PPP3CC: variants seen among roughly 807,000 people sequenced by gnomAD.
The protein encoded by PPP3CC is serine/threonine-protein phosphatase 2B catalytic subunit gamma isoform.
PPP3CC carries 35 observed loss-of-function variants against 60.3 expected under a neutral mutation model. The observed-to-expected ratio is 0.58, with a 90% CI of 0.44 to 0.77. The LOEUF is 0.77. PPP3CC is among the 30% of genes least tolerant of loss of function. PPP3CC has a pLI of 0.00. For missense variants in PPP3CC, 570 were observed against 628.9 expected (o/e 0.91, Z 1.00); for synonymous variants, 206 against 224.3 (o/e 0.92, Z 0.73).
intron 1 of PPP3CC, among the ~76,000 whole-genome samples, chr8:22,458,130 A>G (rs545176914): frequency 6.4e-4 from 97 of 152,206 alleles, no homozygotes; most frequent in African/African-American, 2.2e-3. Context: ...ACACAAAAAC[A>G]ACTTGTATAT....
At chr8:22,458,092 A>T (rs1172621286) in intron 1 of PPP3CC, among the ~76,000 whole-genome samples, 1 of 152,096 alleles carries the variant, frequency 6.6e-6, no homozygotes, top group African/African-American at 2.4e-5. Flanking sequence ...TCTCCGTCGC[A>T]CCAAAAAACA....
At chr8:22,540,178 CT>C (rs897166969) in intron 13 of PPP3CC, among the ~76,000 whole-genome samples, 3 of 151,970 alleles carry the variant, frequency 2.0e-5, no homozygotes, top group Non-Finnish European at 4.4e-5. Context: ...TCTTTTGTTA[CT>C]TTTTTTTGTG....
intron 3 of PPP3CC, among the ~76,000 whole-genome samples, chr8:22,484,396 T>C (rs543167912): frequency 9.8e-4 from 149 of 152,276 alleles, no homozygotes; most frequent in African/African-American, 3.5e-3. Flanking sequence ...AAATAAATTC[T>C]TATGGCTTTT....
chr8:22,460,880 C>CAA (rs1837344100), intron 1 of PPP3CC, among the ~76,000 whole-genome samples: 1 of 152,030 alleles, frequency 6.6e-6, no homozygotes, highest in Admixed American at 6.6e-5. Context: ...GAGTCTTGCT[C>CAA]AGTTGCCCAG....
chr8:22,446,541 A>G (rs1407634873), intron 1 of PPP3CC, among the ~76,000 whole-genome samples: 1 of 152,228 alleles, frequency 6.6e-6, no homozygotes, highest in Non-Finnish European at 1.5e-5. Flanking sequence ...GCTAATTTTT[A>G]GGCCAGGCGT....
At chr8:22,477,936 C>T (rs1013281993) in intron 3 of PPP3CC, among the ~76,000 whole-genome samples, 11 of 152,172 alleles carry the variant, frequency 7.2e-5, no homozygotes, top group African/African-American at 2.2e-4. Context: ...CCGCAACGTC[C>T]GCCTCCCAGG....
chr8:22,496,450 CATGACTTATAAGTTAA>C (rs1838582815), intron 3 of PPP3CC, among the ~76,000 whole-genome samples: 1 of 125,750 alleles, frequency 8.0e-6, no homozygotes, highest in African/African-American at 2.9e-5. Flanking sequence ...CTTGGAATTT[CATGACTTATAAGTTAA>C]ATTAGGGAGA....
chr8:22,512,109 C>A (rs1323145781), intron 5 of PPP3CC, among the ~76,000 whole-genome samples: 1 of 152,136 alleles, frequency 6.6e-6, no homozygotes, highest in African/African-American at 2.4e-5. Context: ...TTGAATTCTT[C>A]TACCTGTCTC....
intron 6 of PPP3CC, among the ~76,000 whole-genome samples, chr8:22,516,620 C>T (rs1270899351): frequency 6.6e-6 from 1 of 152,236 alleles, no homozygotes; most frequent in Non-Finnish European, 1.5e-5. Flanking sequence ...ATTTGAGTCA[C>T]CTCACTCACA....
At chr8:22,480,645 A>T (rs1231582243) in intron 3 of PPP3CC, among the ~76,000 whole-genome samples, 1 of 151,886 alleles carries the variant, frequency 6.6e-6, no homozygotes, top group African/African-American at 2.4e-5. Context: ...TGCTCAGTTA[A>T]TATTTGTGTT....
chr8:22,482,726 T>C (rs931564847), intron 3 of PPP3CC, among the ~76,000 whole-genome samples: 1 of 152,234 alleles, frequency 6.6e-6, no homozygotes, highest in Non-Finnish European at 1.5e-5. Flanking sequence ...TTCACTTACA[T>C]AACCTGGAAA....
At chr8:22,537,664 C>T (rs1361813791) in intron 12 of PPP3CC, among the ~76,000 whole-genome samples, 1 of 152,108 alleles carries the variant, frequency 6.6e-6, no homozygotes, top group Non-Finnish European at 1.5e-5. Context: ...AGCAATTGTC[C>T]ATAAACTGGA....
At chr8:22,516,370 G>A (rs1423537125) in intron 6 of PPP3CC, among the ~76,000 whole-genome samples, 1 of 152,078 alleles carries the variant, frequency 6.6e-6, no homozygotes, top group African/African-American at 2.4e-5. Flanking sequence ...AATAGAAATT[G>A]GTACAATTTC....
intron 5 of PPP3CC, 95 bp downstream of exon 5, chr8:22,511,326 T>C: frequency 6.7e-6 from 9 of 1,343,174 alleles, no homozygotes; most frequent in Non-Finnish European, 9.1e-6. Flanking sequence ...GTCTCTCTCT[T>C]TCACCCGGGC....
intron 1 of PPP3CC, among the ~76,000 whole-genome samples, chr8:22,442,987 C>T (rs1162174308): frequency 1.3e-5 from 2 of 152,116 alleles, no homozygotes; most frequent in East Asian, 1.9e-4. Context: ...TAATCTGCTA[C>T]GTCTTAGCTG....
At chr8:22,527,831 C>T (rs989672659) in intron 9 of PPP3CC, among the ~76,000 whole-genome samples, 8 of 152,258 alleles carry the variant, frequency 5.3e-5, no homozygotes, top group African/African-American at 1.9e-4. Flanking sequence ...GACAGGGTTT[C>T]ACCATATTGG....
chr8:22,530,648 TG>T (rs1839684619), intron 10 of PPP3CC, among the ~76,000 whole-genome samples: 1 of 151,392 alleles, frequency 6.6e-6, no homozygotes, highest in South Asian at 2.1e-4. Context: ...CTGGCCAACA[TG>T]GTGAAACCCC....
At chr8:22,502,040 A>G (rs1838776714) in intron 4 of PPP3CC, among the ~76,000 whole-genome samples, 1 of 152,008 alleles carries the variant, frequency 6.6e-6, no homozygotes, top group African/African-American at 2.4e-5. Flanking sequence ...AAATAAATAA[A>G]TAAGTAAATA....
intron 1 of PPP3CC, among the ~76,000 whole-genome samples, chr8:22,451,381 C>T (rs1303891352): frequency 6.6e-6 from 1 of 152,088 alleles, no homozygotes; most frequent in Non-Finnish European, 1.5e-5. Flanking sequence ...GGTGATCTGC[C>T]CTCCTCGGCC....
Sources: allele counts gnomAD v4.1 joint callset (sites outside exome capture counted in the v4.1 genomes callset), GRCh38; gene constraint gnomAD v4.1.1; transcripts MANE v1.5; gene names NCBI Gene and HGNC (gene_info 2026-07-23, HGNC 2026-07-21).